CCDC32: variants seen among roughly 807,000 people sequenced by gnomAD.
CCDC32 encodes coiled-coil domain-containing protein 32.
In CCDC32, 9 loss-of-function variants were observed where a neutral mutation model predicts 20.1. The ratio of observed to expected loss-of-function variants is 0.45; its 90% CI spans 0.27 to 0.78. CCDC32 has a LOEUF of 0.78. CCDC32 is among the 30% of genes least tolerant of loss of function. The pLI is 0.16. For synonymous variants in CCDC32, 63 were observed against 79.0 expected (o/e 0.80, Z 1.07); for missense variants, 204 against 215.5 (o/e 0.95, Z 0.33).
downstream of CCDC32, chr15:40,534,876 CA>C (rs1566978567): frequency 5.7e-6 from 4 of 702,286 alleles, no homozygotes; most frequent in South Asian, 5.9e-5. Context: ...TCCATTGCAC[CA>C]TCAAAGTGAG....
chr15:40,526,659 T>C (rs1894903674), downstream of CCDC32, among the ~76,000 whole-genome samples: 1 of 152,192 alleles, frequency 6.6e-6, no homozygotes, highest in African/African-American at 2.4e-5. Flanking sequence ...ACACCTGTAA[T>C]CCCAGCATTT....
chr15:40,534,035 T>C (rs568075018), downstream of CCDC32, among the ~76,000 whole-genome samples: 5 of 152,378 alleles, frequency 3.3e-5, no homozygotes, highest in African/African-American at 1.2e-4. Context: ...TGTGAAGCAT[T>C]ATGTCAATTC....
At chr15:40,558,136 T>A (rs1890374686) in intron 2 of CCDC32, 1 of 152,242 alleles carries the variant, frequency 6.6e-6, no homozygotes, top group Non-Finnish European at 1.5e-5. Context: ...GACATCACCA[T>A]TTACCGTCTG....
intron 2 of CCDC32, among the ~76,000 whole-genome samples, chr15:40,559,489 T>C (rs539228674): frequency 1.3e-5 from 2 of 152,208 alleles, no homozygotes; most frequent in Non-Finnish European, 2.9e-5. Context: ...CTTATCATCA[T>C]TAAACAGATG....
At chr15:40,527,810 C>T (rs1441590682), downstream of CCDC32, among the ~76,000 whole-genome samples, 1 of 152,220 alleles carries the variant, frequency 6.6e-6, no homozygotes, top group Non-Finnish European at 1.5e-5. Flanking sequence ...TCACCAGATA[C>T]AGCCCCTTGA....
intron 1 of CCDC32, among the ~76,000 whole-genome samples, chr15:40,564,009 G>C (rs1377063287): frequency 6.6e-6 from 1 of 151,968 alleles, no homozygotes; most frequent in African/African-American, 2.4e-5. Context: ...TTTTAGTAAA[G>C]ACGGGGTTTC....
At chr15:40,538,754 AT>A (rs1889242306), downstream of CCDC32, 2 of 152,618 alleles carry the variant, frequency 1.3e-5, no homozygotes. Flanking sequence ...TCCATTTAAA[AT>A]ATTTCTATTT....
chr15:40,564,876 G>T, intron 1 of CCDC32, 100 bp downstream of exon 1: 1 of 1,527,548 alleles, frequency 6.5e-7, no homozygotes, highest in Non-Finnish European at 9.1e-7. Flanking sequence ...GGGCTGTCTG[G>T]ACGGGATGAA....
chr15:40,530,645 A>G (rs973155344), downstream of CCDC32, among the ~76,000 whole-genome samples: 1 of 150,820 alleles, frequency 6.6e-6, no homozygotes, highest in Non-Finnish European at 1.5e-5. Flanking sequence ...TGCTGGTGCC[A>G]TGCTTCTCAT....
At chr15:40,557,499 A>T in intron 2 of CCDC32, 127 bp from the exon 3 acceptor site, 2 of 911,638 alleles carry the variant, frequency 2.2e-6, no homozygotes, top group Non-Finnish European at 1.6e-6. Context: ...CCTGCCAAAG[A>T]GGTCATTTTT....
At chr15:40,528,813 A>C in intron 3 of CCDC32, 1 of 697,544 alleles carries the variant, frequency 1.4e-6, no homozygotes, top group South Asian at 1.5e-5. Flanking sequence ...AGAGAAGAAA[A>C]GAAAAGTAAA....
At chr15:40,559,063 C>T (rs1890447458) in intron 2 of CCDC32, among the ~76,000 whole-genome samples, 1 of 151,680 alleles carries the variant, frequency 6.6e-6, no homozygotes, top group Non-Finnish European at 1.5e-5. Flanking sequence ...CTCGGCCTCC[C>T]AAATTGCTCT....
chr15:40,542,532 G>A (rs1889438430), intron 3 of CCDC32, among the ~76,000 whole-genome samples: 2 of 152,168 alleles, frequency 1.3e-5, no homozygotes, highest in South Asian at 2.1e-4. Context: ...AATGACTGAT[G>A]TTTGACTCCT....
chr15:40,558,473 T>G (rs1890397385), intron 2 of CCDC32, among the ~76,000 whole-genome samples: 1 of 152,162 alleles, frequency 6.6e-6, no homozygotes, highest in Admixed American at 6.6e-5. Context: ...GGATTCTCTT[T>G]GATATAGGTT....
intron 2 of CCDC32, chr15:40,557,739 C>T (rs1236835722): frequency 1.3e-5 from 2 of 156,582 alleles, no homozygotes; most frequent in Non-Finnish European, 2.8e-5. Context: ...TTTTTCAACT[C>T]CTTGAAAATA....
At chr15:40,562,331 T>C (rs1890697127) in intron 2 of CCDC32, 1 of 156,236 alleles carries the variant, frequency 6.4e-6, no homozygotes, top group Non-Finnish European at 1.4e-5. Context: ...CCCAGCACTT[T>C]GGGATGCCGA....
chr15:40,542,184 C>G (rs1889422313), intron 3 of CCDC32, among the ~76,000 whole-genome samples: 1 of 152,204 alleles, frequency 6.6e-6, no homozygotes, highest in Admixed American at 6.5e-5. Context: ...TTCTACAAGG[C>G]CACCCTATTG....
chr15:40,542,858 A>G (rs1889455511), intron 3 of CCDC32, among the ~76,000 whole-genome samples: 1 of 147,526 alleles, frequency 6.8e-6, no homozygotes, highest in East Asian at 2.0e-4. Flanking sequence ...TCAAAAGAAA[A>G]AAAAAAAAAA....
chr15:40,552,451 A>C (rs1889924361), downstream of CCDC32, among the ~76,000 whole-genome samples: 1 of 137,882 alleles, frequency 7.3e-6, no homozygotes, highest in Non-Finnish European at 1.5e-5. Context: ...ATTGCACTCG[A>C]GCCTGGGCAA....
Sources: allele counts gnomAD v4.1 joint callset (sites outside exome capture counted in the v4.1 genomes callset), GRCh38; gene constraint gnomAD v4.1.1; transcripts MANE v1.5; gene names NCBI Gene and HGNC (gene_info 2026-07-23, HGNC 2026-07-21).